Variants in ALG11 observed in about 807,000 individuals in gnomAD.
The protein encoded by ALG11 is ALG11 alpha-1,2-mannosyltransferase, also known as GDP-Man:Man(3)GlcNAc(2)-PP-Dol alpha-1,2-mannosyltransferase.
ALG11 carries 26 observed loss-of-function variants against 38.8 expected under a neutral mutation model. The ratio of observed to expected loss-of-function variants is 0.67; its 90% CI spans 0.49 to 0.93. The LOEUF is 0.93. ALG11 is among the 40% of genes least tolerant of loss of function. ALG11 has a pLI of 0.00. For synonymous variants in ALG11, 199 were observed against 211.6 expected (o/e 0.94, Z 0.52); for missense variants, 535 against 578.8 (o/e 0.92, Z 0.78).
At position 52,018,940 on chromosome 13, in the gene ALG11, G is replaced by A. The variant is rs371772225; in HGVS notation, c.72G>A (p.Gly24=). ...TTTTTTATTCATTATTCTTCCCTGG[G>A]CTCATTGTATGTGGAACTTTATGTG... The part of the protein sequence containing the change: ...LRFFYSLFFP[G]LIVCGTLCVC... Residue 24 remains glycine (G), a synonymous_variant, in exon 2 of 4, where the codon GGG becomes GGA. Coordinates refer to ENST00000521508, the MANE Select transcript of ALG11 (RefSeq NM_001004127.3). 2 of 1,613,700 alleles carry A rather than the reference G, an allele frequency of 1.2e-6. No homozygotes were observed. Among genetic ancestry groups the A allele is most frequent in the African/African-American group, 2.7e-5 (2 of 74,804 alleles).
intron 1 of ALG11, among the ~76,000 whole-genome samples, chr13:52,018,179 T>C (rs748815451): frequency 6.6e-6 from 1 of 152,198 alleles, no homozygotes; most frequent in Non-Finnish European, 1.5e-5. Flanking sequence ...GTACTTGGCA[T>C]TGGGGACATG....
chr13:52,018,579 C>T (rs773209049), intron 1 of ALG11, among the ~76,000 whole-genome samples: 24 of 152,106 alleles, frequency 1.6e-4, no homozygotes, highest in Admixed American at 3.9e-4. Context: ...TTAATCATGT[C>T]TTGTTTAGAT....
chr13:52,030,085 C>T lies in ALG11; in HGVS notation c.*1495C>T, dbSNP rs1375519036. 1 of 1,614,112 alleles carries T rather than the reference C, an allele frequency of 6.2e-7. No homozygotes were observed. The highest frequency in any genetic ancestry group is 8.5e-7 in the Non-Finnish European group (1 of 1,180,036). On this transcript the variant is annotated 3_prime_UTR_variant, in exon 4 of 4. Transcript: ENST00000521508. ...TGAGAGAATTTGAGGAAAGGCAATC[C>T]CTTAGAAAAAGATCTGAGCTCAACC...
rs896429861 is a variant in ALG11, at chr13:52,032,488, T to A, written c.*3898T>A. 3 of 167,100 alleles carry A rather than the reference T, an allele frequency of 1.8e-5. 1 individual carries two copies. In the Admixed American group the frequency reaches 2.0e-4, roughly 11 times the overall value. 10.4% of individuals were successfully genotyped at this position (167,100 alleles called of 1,614,324 possible). ...TGCATATATAATCAATCCTTTCTAG[T>A]TCAGTGAATTGACCCCATCCACAGG... On this transcript the variant is annotated 3_prime_UTR_variant, in exon 4 of 4. Coordinates refer to ENST00000521508, the MANE Select transcript of ALG11 (RefSeq NM_001004127.3).
chr13:52,012,708 C>T (rs564559629), intron 1 of ALG11, among the ~76,000 whole-genome samples: 23 of 152,246 alleles, frequency 1.5e-4, no homozygotes, highest in African/African-American at 5.5e-4. Flanking sequence ...GTCGAGTTCC[C>T]TTCCCTGCTT....
In ALG11 at chr13:52,028,431, G is replaced by T; in HGVS notation, c.1320G>T (p.Glu440Asp). Residue 440 changes from glutamate (E) to aspartate (D), a missense_variant, in exon 4 of 4, where the codon GAG becomes GAT. Glu to Asp is a conservative substitution (Grantham distance 45). Transcript: ENST00000521508. ...HEGDITGFLAESEEDYAETIA... is the reference protein window; with the variant it reads ...HEGDITGFLADSEEDYAETIA... ...GAGATATAACTGGCTTTCTGGCTGA[G>T]AGTGAAGAAGACTATGCTGAAACTA... 6.2e-7 allele frequency: 1 copy of T among 1,614,198 alleles called. No homozygotes were observed. Among genetic ancestry groups the T allele is most frequent in the Non-Finnish European group, 8.5e-7 (1 of 1,180,044 alleles).
chr13:52,018,190 G>T (rs932524202), intron 1 of ALG11, among the ~76,000 whole-genome samples: 8 of 152,214 alleles, frequency 5.3e-5, no homozygotes, highest in Non-Finnish European at 1.0e-4. Context: ...TGGGGACATG[G>T]TATGAGCAAG....
intron 1 of ALG11, 66 bp from the exon 2 acceptor site, chr13:52,018,847 A>G: frequency 7.5e-7 from 1 of 1,340,630 alleles, no homozygotes; most frequent in Non-Finnish European, 1.1e-6. Context: ...GTAAAAGCAG[A>G]CTTTAATTTG....
chr13:52,015,233 T>C (rs1040280352), intron 1 of ALG11, among the ~76,000 whole-genome samples: 2 of 152,168 alleles, frequency 1.3e-5, no homozygotes, highest in African/African-American at 2.4e-5. Context: ...CAAAACCCTA[T>C]TTCTACAAAA....
In ALG11 at chr13:52,030,158, C is replaced by G; in HGVS notation, c.*1568C>G. 1 of 1,614,186 alleles carries G rather than the reference C, an allele frequency of 6.2e-7. No homozygotes were observed. The highest frequency in any genetic ancestry group is 8.5e-7 in the Non-Finnish European group (1 of 1,180,030). On this transcript the variant is annotated 3_prime_UTR_variant, in exon 4 of 4. Transcript: ENST00000521508. ...TCAAGAAACAAAAGATTCTAGCAGC[C>G]AGGAGGTGCTGTCCGAATTGAGGGC... is the stretch of plus-strand genomic sequence containing the variant.
rs114126715 is a variant in ALG11 at position 52,018,111 on chromosome 13, G to A, written c.45-802G>A. On this transcript the variant is annotated intron_variant, in intron 1 of 3. Coordinates refer to ENST00000521508, the MANE Select transcript of ALG11 (RefSeq NM_001004127.3). ...CACATTTTAAGCAACATCTGAAGAC[G>A]TAATAAACTTTTGCATCCGTCATAT... Among the ~76,000 whole-genome samples, 930 of 152,254 alleles carry A rather than the reference G, an allele frequency of 6.1e-3. 10 individuals carry two copies. The highest frequency in any genetic ancestry group is 0.021 in the African/African-American group (891 of 41,538).
At chr13:52,023,961 AT>A in intron 2 of ALG11, 44 bp from the exon 3 acceptor site, 2 of 1,596,706 alleles carry the variant, frequency 1.3e-6, no homozygotes, top group East Asian at 4.5e-5. Flanking sequence ...TGTCTGGCTA[AT>A]TTTTGTAACT....
intron 2 of ALG11, chr13:52,023,678 A>ATTCT (rs139964015): frequency 0.52 from 77,454 of 147,572 alleles, 22,484 homozygotes; most frequent in Non-Finnish European, 0.65. Flanking sequence ...AACCTAATAT[A>ATTCT]TTCTTTTTTT....
rs549931239 is a variant in ALG11, at chr13:52,029,818, A to G, written c.*1228A>G. 2.8e-5 allele frequency: 46 copies of G among 1,614,240 alleles called. 2 individuals are homozygous for G. In the African/African-American group the frequency reaches 2.9e-4, roughly 10 times the overall value. On this transcript the variant is annotated 3_prime_UTR_variant, in exon 4 of 4. Coordinates refer to ENST00000521508, the MANE Select transcript of ALG11 (RefSeq NM_001004127.3). The stretch of plus-strand genomic sequence containing the variant: ...AAGAACTGACACAGAAACTCCAGGT[A>G]GCCTCTGAGAGTGAGGAAGAGGAGG...
chr13:52,024,424 G>A lies in ALG11; in HGVS notation c.694G>A (p.Val232Ile). ...TACCAGGAATCCTTTTCTCAGCAAA[G>A]TAAAGCTCATCTACTACTATTTATT... ...FITRNPFLSK[V>I]KLIYYYLFAF... Residue 232 changes from valine to isoleucine, a missense_variant, in exon 3 of 4, where the codon GTA (valine) becomes ATA (isoleucine). By Grantham distance (29) the Val-to-Ile change is conservative (BLOSUM62 3). Transcript: ENST00000521508. 1.2e-6 allele frequency: 2 copies of A among 1,613,756 alleles called. No individual in the cohort carries two copies. Among genetic ancestry groups the A allele is most frequent in the Non-Finnish European group, 1.7e-6 (2 of 1,179,766 alleles).
rs1954324758 is a variant in ALG11 at position 52,033,358 on chromosome 13, ATAAT to A, written c.*4771_*4774del. On this transcript the variant is annotated 3_prime_UTR_variant, in exon 4 of 4. Transcript: ENST00000521508. ...GTGTGTGTTACATAGGTTTTGTGTA[ATAAT>A]TATTTGTAAATATTATTTAGATTTG... The A allele has an allele frequency of 6.0e-6, 1 of 167,084 alleles. No homozygotes were observed. Among genetic ancestry groups the A allele is most frequent in the African/African-American group, 2.4e-5 (1 of 41,452 alleles). 10.4% of individuals were successfully genotyped at this position (167,084 alleles called of 1,614,324 possible). A position where few individuals can be genotyped will look rare whatever the true frequency, so the allele number is the denominator to read the frequency against.
At position 52,012,405 on chromosome 13, in the gene ALG11, G is replaced by A. The variant is rs1954073705; in HGVS notation, c.-14G>A. 1 of 1,614,054 alleles carries A rather than the reference G, an allele frequency of 6.2e-7. No homozygotes were observed. The highest frequency in any genetic ancestry group is 1.7e-5 in the Admixed American group (1 of 60,012). ...GAAAGTGAAGCGTTTCCTGAGTTCG[G>A]GGGTCGGCGGAAGATGGCGGCCGGC... is the stretch of plus-strand genomic sequence containing the variant. On this transcript the variant is annotated 5_prime_UTR_variant, in exon 1 of 4. Transcript: ENST00000521508.
chr13:52,026,888 T>A (rs1954246599), intron 3 of ALG11, among the ~76,000 whole-genome samples: 1 of 152,128 alleles, frequency 6.6e-6, no homozygotes, highest in Admixed American at 6.5e-5. Context: ...GTGGATGTGG[T>A]TAAGATCGCC....
Position 52,030,548 on chromosome 13 carries a change from C to G in ALG11, c.*1958C>G. The G allele has an allele frequency of 1.2e-6, 2 of 1,614,094 alleles. No homozygotes were observed. The highest frequency in any genetic ancestry group is 8.5e-7 in the Non-Finnish European group (1 of 1,180,036). ...GGCAGTTCCCACAATAATAGAGGAGCTGGAAGATGAAGAGGAGAGAGACCA... is the reference window on the plus strand; with the variant it reads ...GGCAGTTCCCACAATAATAGAGGAGGTGGAAGATGAAGAGGAGAGAGACCA... On this transcript the variant is annotated 3_prime_UTR_variant, in exon 4 of 4. Coordinates refer to ENST00000521508, the MANE Select transcript of ALG11 (RefSeq NM_001004127.3).
Sources: allele counts gnomAD v4.1 joint callset (sites outside exome capture counted in the v4.1 genomes callset), GRCh38; gene constraint gnomAD v4.1.1; transcripts MANE v1.5; gene names NCBI Gene and HGNC (gene_info 2026-07-23, HGNC 2026-07-21).